CTBP2: variants seen among roughly 807,000 people sequenced by gnomAD.
CTBP2 encodes C-terminal binding protein 2.
CTBP2 carries 30 observed loss-of-function variants against 80.3 expected under a neutral mutation model. The ratio of observed to expected loss-of-function variants is 0.37; its 90% confidence interval spans 0.28 to 0.51. The LOEUF is 0.51. Ranked by LOEUF, CTBP2 falls within the 20% of genes least tolerant of loss-of-function variation. CTBP2 has a pLI of 0.93. For synonymous variants in CTBP2, 594 were observed against 587.4 expected, an observed-to-expected ratio of 1.01 and a Z score of -0.16; for missense variants, 1,212 against 1,375.3, an observed-to-expected ratio of 0.88 and a Z score of 1.88.
chr10:125,068,260 G>T (rs1011245305), intron 2 of CTBP2, among the ~76,000 whole-genome samples: 4 of 152,148 alleles, frequency 2.6e-5, no homozygotes, highest in Non-Finnish European at 4.4e-5. Flanking sequence ...CCTCTGCTAG[G>T]CACAGGGTGA....
At chr10:125,129,322 C>T (rs553345314) in intron 1 of CTBP2, among the ~76,000 whole-genome samples, 1 of 152,076 alleles carries the variant, frequency 6.6e-6, no homozygotes, top group South Asian at 2.1e-4. Flanking sequence ...CAGGTATGTG[C>T]GTGTGTTAGA....
intron 1 of CTBP2, among the ~76,000 whole-genome samples, chr10:125,008,824 T>C (rs560839279): frequency 6.6e-6 from 1 of 152,378 alleles, no homozygotes; most frequent in African/African-American, 2.4e-5. Context: ...ATGTACGTTA[T>C]GTTCTTAGCT....
At chr10:124,995,845 C>T (rs1236772412) in intron 4 of CTBP2, among the ~76,000 whole-genome samples, 1 of 152,154 alleles carries the variant, frequency 6.6e-6, no homozygotes, top group Non-Finnish European at 1.5e-5. Context: ...CCCCAGCATG[C>T]AACTGCTGGG....
At chr10:124,994,938 A>G (rs1385434434) in intron 4 of CTBP2, among the ~76,000 whole-genome samples, 1 of 152,360 alleles carries the variant, frequency 6.6e-6, no homozygotes, top group East Asian at 1.9e-4. Context: ...GTTAAAAACA[A>G]AACAAAACCC....
In CTBP2 at chr10:125,026,273, T is replaced by C. The variant is rs1372743441; in HGVS notation, c.1487A>G (p.Asn496Ser). The C allele has an allele frequency of 2.5e-6, 4 of 1,613,870 alleles. No homozygotes were observed. The highest frequency in any genetic ancestry group is 1.1e-5 in the South Asian group (1 of 91,080). The change falls in exon 1 of 9, where the codon AAC (asparagine) becomes AGC (serine). Residue 496 changes from asparagine to serine, a missense_variant. Coordinates refer to ENST00000309035, the MANE Select transcript of CTBP2 (RefSeq NM_022802.3). Reference sequence around the variant, plus strand: ...GCTGGGCAGCGGAGAGGCGGCCACGTTGCGCTCCCTCTTTAGCAGCTCCAT... The same window carrying C: ...GCTGGGCAGCGGAGAGGCGGCCACGCTGCGCTCCCTCTTTAGCAGCTCCAT...
At chr10:125,031,231 G>A (rs940751344), upstream of CTBP2, among the ~76,000 whole-genome samples, 3 of 152,138 alleles carry the variant, frequency 2.0e-5, no homozygotes, top group Non-Finnish European at 4.4e-5. Context: ...GCTCATGCCT[G>A]TAATCCCAGC....
chr10:125,109,571 G>A (rs572538893), intron 2 of CTBP2, among the ~76,000 whole-genome samples: 119 of 152,320 alleles, frequency 7.8e-4, no homozygotes, highest in African/African-American at 2.8e-3. Context: ...TTCCACCAAA[G>A]AACATTCCAT....
chr10:125,068,615 G>C (rs926944802), intron 2 of CTBP2, among the ~76,000 whole-genome samples: 4 of 152,300 alleles, frequency 2.6e-5, no homozygotes, highest in Middle Eastern at 3.4e-3. Flanking sequence ...TGGCTGTCCC[G>C]GAACAAGATG....
At chr10:125,034,690 AAAAC>A (rs1344979702) in intron 3 of CTBP2, among the ~76,000 whole-genome samples, 5 of 152,388 alleles carry the variant, frequency 3.3e-5, no homozygotes, top group South Asian at 2.1e-4. Flanking sequence ...GTGCTTTAAA[AAAAC>A]AAACAAAAAC....
chr10:125,048,002 G>T (rs145056604), intron 2 of CTBP2, among the ~76,000 whole-genome samples: 1 of 152,124 alleles, frequency 6.6e-6, no homozygotes, highest in African/African-American at 2.4e-5. Flanking sequence ...TGGAATCCTC[G>T]ACTGATTTTA....
In CTBP2 at chr10:124,993,999, GAA is replaced by G; in HGVS notation, c.2401-16_2401-15del. On this transcript the variant is annotated splice_polypyrimidine_tract_variant and intron_variant, in intron 5 of 8. Transcript: ENST00000309035. ...TCCCTGCCTCATCTGTGGAAGGAAA[GAA>G]AAGCCGGTTACAGGCACACTGGCAT... The G allele has an allele frequency of 6.2e-7, 1 of 1,613,654 alleles. No homozygotes were observed. Among genetic ancestry groups the G allele is most frequent in the South Asian group, 1.1e-5 (1 of 90,994 alleles).
chr10:125,048,634 C>T (rs1208000818), intron 2 of CTBP2, among the ~76,000 whole-genome samples: 2 of 152,092 alleles, frequency 1.3e-5, no homozygotes, highest in Non-Finnish European at 2.9e-5. Context: ...GTGTGGAGTC[C>T]CCGACCCCAG....
chr10:125,090,696 G>A (rs912756880), intron 2 of CTBP2, among the ~76,000 whole-genome samples: 10 of 151,776 alleles, frequency 6.6e-5, no homozygotes, highest in African/African-American at 2.2e-4. Context: ...CCAGGACGTC[G>A]AGGCTGTAGT....
chr10:125,102,970 G>A (rs979856607), intron 2 of CTBP2, among the ~76,000 whole-genome samples: 1 of 152,190 alleles, frequency 6.6e-6, no homozygotes. Context: ...CACAGGTGGC[G>A]GGAGAGTACA....
intron 1 of CTBP2, among the ~76,000 whole-genome samples, chr10:125,009,717 C>T (rs1486725597): frequency 6.6e-6 from 1 of 152,108 alleles, no homozygotes; most frequent in African/African-American, 2.4e-5. Context: ...AGCTGGGGGC[C>T]AGATTCTGAT....
rs188685123 is a variant in CTBP2, at chr10:125,066,152, G to T, written c.-101-26997C>A. On this transcript the variant is annotated intron_variant, in intron 2 of 10. Coordinates refer to the CTBP2 transcript ENST00000337195. This position sits in a 1 kb window ranked among gnomAD's most constrained non-coding sequence, Gnocchi z 4.1. ...CTGATGTCCTAACACCCAGGACAAC[G>T]TCTGAGTGACCAGTGGCTCTTGGCT... 3.3e-5 allele frequency among the ~76,000 whole-genome samples: 5 copies of T among 151,850 alleles called. No individual in the cohort carries two copies. The highest frequency in any genetic ancestry group is 1.5e-5 in the Non-Finnish European group (1 of 67,968).
At chr10:125,008,902 C>G (rs1018362094) in intron 1 of CTBP2, among the ~76,000 whole-genome samples, 3 of 152,232 alleles carry the variant, frequency 2.0e-5, no homozygotes, top group African/African-American at 7.2e-5. Context: ...TAGGTCATAG[C>G]CTGTTCCTCT....
chr10:125,100,261 G>A (rs1020266311), intron 2 of CTBP2, among the ~76,000 whole-genome samples: 2 of 152,188 alleles, frequency 1.3e-5, no homozygotes, highest in East Asian at 1.9e-4. Flanking sequence ...TGAAAAAAAT[G>A]GTATTTGATG....
intron 1 of CTBP2, among the ~76,000 whole-genome samples, chr10:125,007,602 A>G (rs966529464): frequency 2.0e-5 from 3 of 152,226 alleles, no homozygotes; most frequent in African/African-American, 7.2e-5. Flanking sequence ...TTTCTCGGAT[A>G]CAGGCAGACA....
Sources: gnomAD v4.1 joint callset for allele counts (sites outside exome capture counted in the v4.1 genomes callset) on GRCh38, gnomAD v4.1.1 for gene constraint, Gnocchi (gnomAD v3.1) non-coding constraint, MANE v1.5 for transcripts, NCBI Gene and HGNC (gene_info 2026-07-23, HGNC 2026-07-21) for gene names.